Variants in COG6 observed in about 807,000 individuals in gnomAD.
COG6 encodes the protein component of oligomeric golgi complex 6.
COG6 carries 74 observed loss-of-function variants against 88.8 expected under a neutral mutation model. The ratio of observed to expected loss-of-function variants is 0.83; its 90% confidence interval spans 0.69 to 1.01. The LOEUF (loss-of-function observed/expected upper bound fraction) is 1.01, where lower values mean the gene tolerates loss of function less well. COG6 is among the 50% of genes least tolerant of loss of function. The pLI is 0.00. For synonymous variants in COG6, 286 were observed against 278.7 expected (o/e 1.03, Z -0.26); for missense variants, 800 against 797.9 (o/e 1.00, Z -0.03).
intron 13 of COG6, among the ~76,000 whole-genome samples, chr13:39,711,681 G>A (rs1211160940): frequency 6.6e-6 from 1 of 152,134 alleles, no homozygotes; most frequent in Non-Finnish European, 1.5e-5. Flanking sequence ...AAGATCACAT[G>A]TAAAATACAT....
intron 4 of COG6, among the ~76,000 whole-genome samples, chr13:39,675,959 T>A (rs1266127120): frequency 6.6e-6 from 1 of 152,168 alleles, no homozygotes; most frequent in Non-Finnish European, 1.5e-5. Context: ...AATGATTATA[T>A]ATATTTATGG....
intron 13 of COG6, among the ~76,000 whole-genome samples, chr13:39,706,277 A>ATACTCC (rs1566188170): frequency 2.1e-5 from 3 of 141,998 alleles, no homozygotes; most frequent in African/African-American, 2.6e-5. Context: ...ATATATATAT[A>ATACTCC]TTTAAATATA....
chr13:39,717,263 G>A (rs572590817), intron 13 of COG6, among the ~76,000 whole-genome samples: 1 of 151,620 alleles, frequency 6.6e-6, no homozygotes, highest in South Asian at 2.1e-4. Context: ...TCTGTCTTTT[G>A]ACAGTTTGAT....
intron 17 of COG6, among the ~76,000 whole-genome samples, chr13:39,725,124 C>A (rs184608326): frequency 1.3e-5 from 2 of 151,900 alleles, no homozygotes; most frequent in Admixed American, 6.6e-5. Flanking sequence ...GTATAGTGTT[C>A]ATATGCATAG....
chr13:39,757,842 T>C (rs1435944436), intron 18 of COG6, among the ~76,000 whole-genome samples: 4 of 152,200 alleles, frequency 2.6e-5, no homozygotes, highest in East Asian at 3.8e-4. Flanking sequence ...TTCACATCCA[T>C]GTATAAGTGG....
chr13:39,703,898 A>AT (rs879709691), intron 13 of COG6, among the ~76,000 whole-genome samples: 81 of 149,498 alleles, frequency 5.4e-4, no homozygotes, highest in East Asian at 9.8e-4. Flanking sequence ...AGCTAATTTA[A>AT]ATTTTTTTTT....
At chr13:39,783,257 G>C (rs922850412) in intron 18 of COG6, among the ~76,000 whole-genome samples, 1 of 152,038 alleles carries the variant, frequency 6.6e-6, no homozygotes, top group African/African-American at 2.4e-5. Flanking sequence ...TCAATCCTAT[G>C]CCCTTTGTTA....
At chr13:39,737,725 G>A (rs1264800939) in intron 18 of COG6, among the ~76,000 whole-genome samples, 1 of 151,970 alleles carries the variant, frequency 6.6e-6, no homozygotes, top group Non-Finnish European at 1.5e-5. Flanking sequence ...ACAGAAGCTT[G>A]CCCAGGAATT....
intron 11 of COG6, among the ~76,000 whole-genome samples, chr13:39,691,351 T>C (rs1419650559): frequency 6.6e-6 from 1 of 151,988 alleles, no homozygotes; most frequent in East Asian, 1.9e-4. Context: ...CTTCCTTTAA[T>C]GTACATACCC....
chr13:39,710,877 C>T (rs372009801), intron 13 of COG6, among the ~76,000 whole-genome samples: 10 of 150,662 alleles, frequency 6.6e-5, no homozygotes, highest in Non-Finnish European at 8.9e-5. Flanking sequence ...TTGTTTTTGA[C>T]GAAAGAAAAA....
intron 18 of COG6, chr13:39,788,242 C>A: frequency 8.0e-7 from 1 of 1,253,878 alleles, no homozygotes; most frequent in Non-Finnish European, 1.1e-6. Flanking sequence ...TTTATTTCAG[C>A]CCTCCCTGTG....
chr13:39,656,407 T>C (rs907691286), intron 1 of COG6: 11 of 336,908 alleles, frequency 3.3e-5, no homozygotes, highest in Admixed American at 2.4e-4. Flanking sequence ...TGAAATGAAC[T>C]CATATCTACT....
intron 13 of COG6, among the ~76,000 whole-genome samples, chr13:39,703,591 G>GT (rs1877707759): frequency 1.3e-5 from 2 of 151,848 alleles, no homozygotes; most frequent in African/African-American, 2.4e-5. Context: ...TTTTTTTATA[G>GT]TTTTTTTCCC....
At position 39,694,649 on chromosome 13, in the gene COG6, G is replaced by C; in HGVS notation, c.1090G>C (p.Val364Leu). Residue 364 changes from valine (V) to leucine (L), a missense_variant, in exon 12 of 19, where the codon GTA becomes CTA. By Grantham distance (32) the Val-to-Leu change is conservative (BLOSUM62 1). Coordinates refer to ENST00000455146, the MANE Select transcript of COG6 (RefSeq NM_020751.3). Reference sequence around the variant, plus strand: ...ATTTTAATAGGTTCGAATTGAGCAAGTAATAGTTGCTGAACCTGGGGCAGT... The same window carrying C: ...ATTTTAATAGGTTCGAATTGAGCAACTAATAGTTGCTGAACCTGGGGCAGT... The part of the protein sequence containing the change: ...CRPLKVRIEQ[V>L]IVAEPGAVLL... 6.3e-7 allele frequency: 1 copy of C among 1,594,228 alleles called. No homozygotes were observed. Among genetic ancestry groups the C allele is most frequent in the Non-Finnish European group, 8.6e-7 (1 of 1,163,772 alleles).
At chr13:39,782,991 A>G (rs1881673868) in intron 18 of COG6, among the ~76,000 whole-genome samples, 1 of 152,232 alleles carries the variant, frequency 6.6e-6, no homozygotes, top group African/African-American at 2.4e-5. Flanking sequence ...GTGATCATTC[A>G]TCAAGCTGTA....
At chr13:39,672,735 G>A (rs1441289179) in intron 4 of COG6, among the ~76,000 whole-genome samples, 3 of 152,008 alleles carry the variant, frequency 2.0e-5, no homozygotes, top group African/African-American at 7.2e-5. Context: ...GTGTGGGCAT[G>A]TTTTATTCCT....
intron 18 of COG6, among the ~76,000 whole-genome samples, chr13:39,738,275 A>G (rs747259224): frequency 3.3e-5 from 5 of 152,134 alleles, no homozygotes; most frequent in African/African-American, 1.2e-4. Flanking sequence ...TACGACAACA[A>G]AAGTGCAAAA....
chr13:39,745,872 G>A (rs1314421451), intron 18 of COG6, among the ~76,000 whole-genome samples: 3 of 152,068 alleles, frequency 2.0e-5, no homozygotes, highest in Admixed American at 2.0e-4. Flanking sequence ...AGAAAATGTG[G>A]CACATATACA....
chr13:39,788,809 T>C (rs929226586), exon 19 of COG6: 1 of 155,202 alleles, frequency 6.4e-6, no homozygotes, highest in African/African-American at 2.4e-5. Context: ...TTATTAACTT[T>C]TTTCTCCACC....
Sources: gnomAD v4.1 joint callset for allele counts (sites outside exome capture counted in the v4.1 genomes callset) on GRCh38, gnomAD v4.1.1 for gene constraint, MANE v1.5 for transcripts, NCBI Gene and HGNC (gene_info 2026-07-23, HGNC 2026-07-21) for gene names.